TRIM67: variants seen among roughly 807,000 people sequenced by gnomAD.
TRIM67 encodes tripartite motif-containing protein 67.
TRIM67 carries 39 observed loss-of-function variants against 71.0 expected under a neutral mutation model. That is an observed-to-expected ratio of 0.55 (90% confidence interval 0.43 to 0.72). The LOEUF (loss-of-function observed/expected upper bound fraction) is 0.72. Among genes scored for constraint, TRIM67 ranks in the 30% least tolerant of loss-of-function variants. The probability of loss-of-function intolerance (pLI) is 0.00; values close to 1 mark genes in which losing one functional copy is unlikely to be tolerated. For missense variants in TRIM67, 973 were observed against 1,079.2 expected, an observed-to-expected ratio of 0.90 and a Z score of 1.38; for synonymous variants, 481 against 473.9, an observed-to-expected ratio of 1.01 and a Z score of -0.19.
At chr1:231,208,839 G>A in intron 7 of TRIM67, 108 bp from the exon 8 acceptor site, 1 of 1,105,260 alleles carries the variant, frequency 9.0e-7, no homozygotes, top group Non-Finnish European at 1.3e-6. Flanking sequence ...TCACTTCTGG[G>A]TGCCGACTTT....
chr1:231,209,861 G>A lies in TRIM67; in HGVS notation c.2123+611G>A, dbSNP rs1683820072. ...TAGGGTCACCAGCATGGACACAGGA[G>A]ACTCAGGTCCTGGCCTGTGAAACTA... is the stretch of plus-strand genomic sequence containing the variant. On this transcript the variant is annotated intron_variant, in intron 8 of 9. Transcript: ENST00000366653. The surrounding 1 kb of genome is among the most constrained non-coding windows in gnomAD (Gnocchi z 4.1). Among the ~76,000 whole-genome samples, 1 of 152,182 alleles carries A rather than the reference G, an allele frequency of 6.6e-6. No homozygotes were observed. Among genetic ancestry groups the A allele is most frequent in the African/African-American group, 2.4e-5 (1 of 41,446 alleles).
chr1:231,214,464 G>A (rs1476739557), intron 9 of TRIM67, among the ~76,000 whole-genome samples: 1 of 152,088 alleles, frequency 6.6e-6, no homozygotes, highest in African/African-American at 2.4e-5. Context: ...TTTGCAAAAG[G>A]GATTTGTGGC....
At chr1:231,198,531 C>T (rs1001600431) in intron 2 of TRIM67, among the ~76,000 whole-genome samples, 2 of 152,176 alleles carry the variant, frequency 1.3e-5, no homozygotes, top group African/African-American at 4.8e-5. Flanking sequence ...GGATTACAGG[C>T]ATGTGCCCCT....
In TRIM67 at chr1:231,217,671, G is replaced by A. The variant is rs1684050054; in HGVS notation, c.*2231G>A. The A allele has an allele frequency of 1.8e-5, 21 of 1,171,714 alleles. No homozygotes were observed. Among genetic ancestry groups the A allele is most frequent in the Non-Finnish European group, 2.3e-5 (21 of 930,588 alleles). 72.6% of individuals were successfully genotyped at this position (1,171,714 alleles called of 1,614,324 possible). ...CCTGGTGACAGCAGCTTCTCACAGG[G>A]GAGCCCTGGGGAAGGCTGTGGAGCC... is the stretch of plus-strand genomic sequence containing the variant. On this transcript the variant is annotated 3_prime_UTR_variant, in exon 10 of 10. Coordinates refer to ENST00000366653, the MANE Select transcript of TRIM67 (RefSeq NM_001004342.5).
chr1:231,170,853 C>T (rs1350263973), intron 1 of TRIM67, among the ~76,000 whole-genome samples: 1 of 152,138 alleles, frequency 6.6e-6, no homozygotes, highest in Non-Finnish European at 1.5e-5. Context: ...ACTATCTGGC[C>T]CTTCATAGAA....
In TRIM67 at chr1:231,217,454, C is replaced by T; in HGVS notation, c.*2014C>T. On this transcript the variant is annotated 3_prime_UTR_variant, in exon 10 of 10. Coordinates refer to ENST00000366653, the MANE Select transcript of TRIM67 (RefSeq NM_001004342.5). ...TCTGTCTCCCATATCCCTGCAGCTT[C>T]ATCCTTAGCCATAGCTCTGGGTGGC... is the stretch of plus-strand genomic sequence containing the variant. 1.0e-6 allele frequency: 1 copy of T among 993,396 alleles called. No homozygotes were observed. Among genetic ancestry groups the T allele is most frequent in the Non-Finnish European group, 1.2e-6 (1 of 834,892 alleles). 61.5% of individuals were successfully genotyped at this position (993,396 alleles called of 1,614,324 possible).
intron 1 of TRIM67, among the ~76,000 whole-genome samples, chr1:231,182,169 G>T (rs139515360): frequency 2.2e-3 from 328 of 152,222 alleles, no homozygotes; most frequent in African/African-American, 7.4e-3. Context: ...AAACTTCCCT[G>T]TCATCTTGCC....
At chr1:231,193,503 GCTCTCTCTCTCTCTCT>G (rs3049035) in intron 1 of TRIM67, among the ~76,000 whole-genome samples, 28 of 81,946 alleles carry the variant, frequency 3.4e-4, no homozygotes, top group Middle Eastern at 0.012. Context: ...TCTCTCTCAA[GCTCTCTCTCTCTCTCT>G]CTCTCTCTCT....
intron 5 of TRIM67, among the ~76,000 whole-genome samples, chr1:231,203,490 A>C (rs1444396766): frequency 2.0e-5 from 3 of 151,920 alleles, no homozygotes; most frequent in African/African-American, 7.3e-5. Flanking sequence ...GGGAGCCTGG[A>C]CTCTGTTGGA....
Position 231,209,347 on chromosome 1 carries a change from AG to A in TRIM67, c.2123+99del. 4 of 1,320,006 alleles carry A rather than the reference AG, an allele frequency of 3.0e-6. No individual in the cohort carries two copies. Among genetic ancestry groups the A allele is most frequent in the Non-Finnish European group, 4.0e-6 (4 of 990,740 alleles). The allele number at this position is 1,320,006 out of a possible 1,614,324, so 81.8% of individuals were successfully genotyped here. A position where few individuals can be genotyped will look rare whatever the true frequency, so the allele number is the denominator to read the frequency against. On this transcript the variant is annotated intron_variant, in intron 8 of 9. Coordinates refer to ENST00000366653, the MANE Select transcript of TRIM67 (RefSeq NM_001004342.5). This position sits in a 1 kb window ranked among gnomAD's most constrained non-coding sequence, Gnocchi z 4.1. The stretch of plus-strand genomic sequence containing the variant: ...CCCTTCTGCTGTCCCCAAAGCCAGG[AG>A]GAATTGAGAGGAGGTATTTTCAGCC...
Position 231,185,984 on chromosome 1 carries a change from G to A in TRIM67, c.1045-11387G>A, listed in dbSNP as rs940355080. 3.6e-5 allele frequency: 37 copies of A among 1,019,846 alleles called. 1 individual carries two copies. The African/African-American group carries it at 4.2e-4, about 12-fold the overall frequency. 63.2% of individuals were successfully genotyped at this position (1,019,846 alleles called of 1,614,324 possible). A position where few individuals can be genotyped will look rare whatever the true frequency, so the allele number is the denominator to read the frequency against. ...ACAAGGGCTCATAACTAGAGGAGAC[G>A]AGAAGGAGGTGGGTCTTCTGGAAGA... On this transcript the variant is annotated intron_variant, in intron 1 of 9. Coordinates refer to ENST00000366653, the MANE Select transcript of TRIM67 (RefSeq NM_001004342.5).
intron 1 of TRIM67, among the ~76,000 whole-genome samples, chr1:231,166,072 A>G (rs1682455015): frequency 6.6e-6 from 1 of 152,216 alleles, no homozygotes; most frequent in African/African-American, 2.4e-5. Flanking sequence ...CAGTTTTATA[A>G]AATTTCTATC....
chr1:231,189,429 T>C (rs1413496154), intron 1 of TRIM67, among the ~76,000 whole-genome samples: 2 of 152,116 alleles, frequency 1.3e-5, no homozygotes, highest in Non-Finnish European at 2.9e-5. Flanking sequence ...TCACAATCAT[T>C]GTGGGTCCAA....
At chr1:231,210,616 G>A (rs551595970) in intron 8 of TRIM67, among the ~76,000 whole-genome samples, 13 of 151,588 alleles carry the variant, frequency 8.6e-5, no homozygotes, top group South Asian at 2.1e-4. Context: ...CCTGTTTGCT[G>A]GCAGGAGTGA....
At chr1:231,193,806 G>GTTAA (rs1683298665) in intron 1 of TRIM67, among the ~76,000 whole-genome samples, 2 of 151,958 alleles carry the variant, frequency 1.3e-5, no homozygotes, top group African/African-American at 4.8e-5. Flanking sequence ...GGAGCTGCCA[G>GTTAA]GCTCTGTTTA....
At chr1:231,182,144 C>T (rs1267271141) in intron 1 of TRIM67, among the ~76,000 whole-genome samples, 4 of 152,154 alleles carry the variant, frequency 2.6e-5, no homozygotes, top group Non-Finnish European at 5.9e-5. Context: ...GCTTCTGATC[C>T]TTGGTTCATT....
intron 1 of TRIM67, among the ~76,000 whole-genome samples, chr1:231,196,356 C>T (rs763188127): frequency 2.6e-5 from 4 of 151,882 alleles, no homozygotes; most frequent in Admixed American, 1.3e-4. Context: ...ACCTGTAATC[C>T]CAGCAATTTG....
chr1:231,205,086 T>C lies in TRIM67; in HGVS notation c.1680+1074T>C, dbSNP rs577733920. Among the ~76,000 whole-genome samples the C allele has an allele frequency of 1.6e-4, 25 of 152,224 alleles. No individual in the cohort carries two copies. In the South Asian group the frequency reaches 3.5e-3, roughly 21 times the overall value. On this transcript the variant is annotated intron_variant, in intron 6 of 9. Coordinates refer to ENST00000366653, the MANE Select transcript of TRIM67 (RefSeq NM_001004342.5). ...CGAAACCAAGAGGAGAGCCAGTATT[T>C]TTGAAATGGGAAGAAAGAAAAGGCT...
At position 231,187,531 on chromosome 1, in the gene TRIM67, G is replaced by A. The variant is rs528513620; in HGVS notation, c.1045-9840G>A. On this transcript the variant is annotated intron_variant, in intron 1 of 9. Coordinates refer to ENST00000366653, the MANE Select transcript of TRIM67 (RefSeq NM_001004342.5). ...AAAAACAATACCTTAGCACTGAGGG[G>A]CAGATAAAAAGGTGAGAGAAATCCC... 3,870 of 1,532,668 alleles carry A rather than the reference G, an allele frequency of 2.5e-3. 11 individuals carry two copies. Among genetic ancestry groups the A allele is most frequent in the Non-Finnish European group, 2.9e-3 (3,341 of 1,146,420 alleles). The allele number at this position is 1,532,668 out of a possible 1,614,324, so 94.9% of individuals were successfully genotyped here.
Sources: gnomAD v4.1 joint callset for allele counts (sites outside exome capture counted in the v4.1 genomes callset) on GRCh38, gnomAD v4.1.1 for gene constraint, Gnocchi (gnomAD v3.1) non-coding constraint, MANE v1.5 for transcripts, NCBI Gene and HGNC (gene_info 2026-07-23, HGNC 2026-07-21) for gene names.